Variants in TEX11 observed in about 807,000 individuals in gnomAD.
The protein encoded by TEX11 is testis-expressed protein 11.
In TEX11, 7 loss-of-function variants were observed where a neutral mutation model predicts 84.4. That is an observed-to-expected ratio of 0.08 (90% CI 0.05 to 0.16). TEX11 has a LOEUF of 0.16. TEX11 is among the 10% of genes least tolerant of loss of function. The pLI, the probability that TEX11 is intolerant of heterozygous loss-of-function variation, is 1.00. For synonymous variants in TEX11, 264 were observed against 222.8 expected, an observed-to-expected ratio of 1.18 and a Z score of -1.64; for missense variants, 551 against 660.5, an observed-to-expected ratio of 0.83 and a Z score of 1.82.
chrX:70,817,349 G>T (rs1319903544), intron 8 of TEX11, among the ~76,000 whole-genome samples: 1 of 109,716 alleles, frequency 9.1e-6, no homozygotes, highest in Non-Finnish European at 1.9e-5. Context: ...ATAAGGATGC[G>T]TAATGCCCAG....
chrX:70,729,816 A>G (rs2090630574), intron 11 of TEX11, among the ~76,000 whole-genome samples: 2 of 110,761 alleles, frequency 1.8e-5, no homozygotes, highest in South Asian at 3.9e-4. Context: ...GAACGCCACA[A>G]AGATATGCCT....
chrX:70,539,430 A>G (rs1012834205), intron 28 of TEX11, among the ~76,000 whole-genome samples: 2 of 110,806 alleles, frequency 1.8e-5, no homozygotes, highest in Non-Finnish European at 3.8e-5. Flanking sequence ...ACGCTTTGGG[A>G]AGCAAACTCT....
At chrX:70,722,280 A>T (rs2011507661) in intron 13 of TEX11, among the ~76,000 whole-genome samples, 1 of 111,567 alleles carries the variant, frequency 9.0e-6, no homozygotes, top group African/African-American at 3.3e-5. Context: ...CTAAATTTTT[A>T]AAATTATTTT....
At chrX:70,519,208 C>T in the TEX11 span, among the ~76,000 whole-genome samples, 10 of 111,831 alleles carry the variant, frequency 8.9e-5, no homozygotes, top group South Asian at 7.6e-4. Context: ...TTCCTAGCAT[C>T]GATGGTCTTT....
At chrX:70,641,254 C>T (rs62609373) in intron 17 of TEX11, among the ~76,000 whole-genome samples, 6 of 110,640 alleles carry the variant, frequency 5.4e-5, no homozygotes, top group East Asian at 2.8e-4. Flanking sequence ...ACAGGAGCAC[C>T]CAGATTCATA....
At chrX:70,842,483 C>T (rs1208098484) in intron 7 of TEX11, among the ~76,000 whole-genome samples, 1 of 111,334 alleles carries the variant, frequency 9.0e-6, no homozygotes, top group Non-Finnish European at 1.9e-5. Flanking sequence ...GACATATCTC[C>T]AAATAATAAG....
At chrX:70,536,285 C>T (rs1224251962) in intron 28 of TEX11, among the ~76,000 whole-genome samples, 4 of 110,861 alleles carry the variant, frequency 3.6e-5, no homozygotes, top group Non-Finnish European at 5.7e-5. Context: ...GACAAGATCT[C>T]GCTATGTTGG....
At chrX:70,624,703 C>G (rs939298519) in intron 19 of TEX11, 136 bp downstream of exon 19, 8 of 429,382 alleles carry the variant, frequency 1.9e-5, no homozygotes, top group African/African-American at 1.8e-4. Flanking sequence ...TTATCAAGTC[C>G]CAACCTCACC....
At chrX:70,790,753 T>C (rs1000866970) in intron 9 of TEX11, among the ~76,000 whole-genome samples, 7 of 111,793 alleles carry the variant, frequency 6.3e-5, no homozygotes, top group Non-Finnish European at 1.1e-4. Flanking sequence ...TAGCCTCCAC[T>C]GCCCTGCCTG....
At chrX:70,877,823 T>C (rs1410841976) in intron 3 of TEX11, among the ~76,000 whole-genome samples, 1 of 110,170 alleles carries the variant, frequency 9.1e-6, no homozygotes, top group African/African-American at 3.3e-5. Flanking sequence ...GTACTGAGAG[T>C]AGTCAAATTT....
At chrX:70,678,085 T>C (rs946882585) in intron 15 of TEX11, among the ~76,000 whole-genome samples, 8 of 111,303 alleles carry the variant, frequency 7.2e-5, no homozygotes, top group African/African-American at 1.6e-4. Context: ...TTGCTGGGAT[T>C]ACAGGCGTGA....
intron 11 of TEX11, among the ~76,000 whole-genome samples, chrX:70,727,493 G>C (rs1349534728): frequency 2.7e-5 from 3 of 112,024 alleles, no homozygotes; most frequent in Non-Finnish European, 5.6e-5. Context: ...CTTACCCATA[G>C]GCATCCTCCT....
At position 70,873,215 on chromosome X, in the gene TEX11, A is replaced by G. The variant is rs370772921; in HGVS notation, c.244+8T>C. ...CCTCATAATACATGTCACAATATGT[A>G]TACATACATCTAATTTTCTGCTCTT... On this transcript the variant is annotated splice_region_variant and intron_variant, in intron 4 of 29. Transcript: ENST00000374333. 82 of 1,069,193 alleles carry G rather than the reference A, an allele frequency of 7.7e-5. 1 individual carries two copies. In the Middle Eastern group the frequency reaches 1.2e-3, roughly 16 times the overall value. The allele number at this position is 1,069,193 out of a possible 1,213,427, so 88.1% of individuals were successfully genotyped here. A position where few individuals can be genotyped will look rare whatever the true frequency, so the allele number is the denominator to read the frequency against.
intron 25 of TEX11, 69 bp from the exon 26 acceptor site, chrX:70,554,869 A>T: frequency 1.0e-6 from 1 of 997,109 alleles, no homozygotes; most frequent in Admixed American, 3.4e-5. Context: ...TTGTAATTTC[A>T]CTAACTGGAG....
chrX:70,704,681 A>G (rs2090354894), intron 13 of TEX11, among the ~76,000 whole-genome samples: 1 of 111,259 alleles, frequency 9.0e-6, no homozygotes, highest in African/African-American at 3.3e-5. Context: ...ACCCAGTTAC[A>G]TATCTTCTTT....
In TEX11 at chrX:70,564,287, T is replaced by C. The variant is rs756449184; in HGVS notation, c.2141-9487A>G. 2.6e-4 allele frequency among the ~76,000 whole-genome samples: 29 copies of C among 112,318 alleles called. No individual in the cohort carries two copies. In the East Asian group the frequency reaches 8.0e-3, roughly 31 times the overall value. ...AGACACTGACACTGACTTGTATTTT[T>C]CTTTTTAGTTTTTGGAATCAGAGTA... is the stretch of plus-strand genomic sequence containing the variant. On this transcript the variant is annotated intron_variant, in intron 25 of 29. Coordinates refer to ENST00000374333, the MANE Select transcript of TEX11 (RefSeq NM_031276.3).
chrX:70,672,737 T>A (rs1046750173), intron 15 of TEX11, among the ~76,000 whole-genome samples: 3 of 112,391 alleles, frequency 2.7e-5, no homozygotes, highest in African/African-American at 9.7e-5. Context: ...TTTTAGCTAC[T>A]AGCCCATTAT....
At chrX:70,649,137 T>C (rs1201607081) in intron 17 of TEX11, among the ~76,000 whole-genome samples, 8 of 112,230 alleles carry the variant, frequency 7.1e-5, no homozygotes, top group Admixed American at 5.7e-4. Flanking sequence ...TTTGGGTTGG[T>C]TCCATGTCTT....
chrX:70,720,027 C>G (rs1442925074), intron 13 of TEX11, among the ~76,000 whole-genome samples: 1 of 111,766 alleles, frequency 8.9e-6, no homozygotes, highest in African/African-American at 3.3e-5. Flanking sequence ...TGGGTATATA[C>G]CCAAAGGATT....
Sources: gnomAD v4.1 joint callset for allele counts (sites outside exome capture counted in the v4.1 genomes callset) on GRCh38, gnomAD v4.1.1 for gene constraint, MANE v1.5 for transcripts, NCBI Gene and HGNC (gene_info 2026-07-23, HGNC 2026-07-21) for gene names.